The following CSMD1 variants were observed in gnomAD, a reference collection of about 807,000 sequenced individuals.
CSMD1 encodes CUB and Sushi multiple domains 1, also known as CUB and sushi domain-containing protein 1.
In CSMD1, 213 loss-of-function variants were observed where a neutral mutation model predicts 417.5. The observed-to-expected ratio is 0.51, with a 90% CI of 0.46 to 0.57. The LOEUF (loss-of-function observed/expected upper bound fraction) is 0.57. Among genes scored for constraint, CSMD1 ranks in the 20% least tolerant of loss-of-function variants. CSMD1 has a pLI of 0.00. For missense variants in CSMD1, 6,923 were observed against 4,529.7 expected, an observed-to-expected ratio of 1.53 and a Z score of -15.17; for synonymous variants, 2,862 against 1,736.8, an observed-to-expected ratio of 1.65 and a Z score of -16.11.
chr8:4,973,946 T>C (rs1253096324), intron 1 of CSMD1, among the ~76,000 whole-genome samples: 1 of 152,188 alleles, frequency 6.6e-6, no homozygotes, highest in Non-Finnish European at 1.5e-5. Flanking sequence ...AAAAGTAATT[T>C]TTACAAAGCT....
chr8:3,094,800 C>CAAAAAA (rs33991879), intron 47 of CSMD1, among the ~76,000 whole-genome samples: 11 of 105,384 alleles, frequency 1.0e-4, no homozygotes, highest in South Asian at 3.1e-4. Flanking sequence ...GCCCGTCTTA[C>CAAAAAA]AAAAAAAAAA....
chr8:4,092,676 T>G (rs571159387), intron 3 of CSMD1, among the ~76,000 whole-genome samples: 1 of 152,264 alleles, frequency 6.6e-6, no homozygotes, highest in East Asian at 1.9e-4. Context: ...AGTAGGTCCT[T>G]TTTCTTGAAT....
At chr8:4,392,547 G>C (rs1375178690) in intron 3 of CSMD1, among the ~76,000 whole-genome samples, 1 of 151,942 alleles carries the variant, frequency 6.6e-6, no homozygotes, top group Non-Finnish European at 1.5e-5. Context: ...TTGGTCACTA[G>C]GAAACTTAAA....
In CSMD1 at chr8:2,940,695, A is replaced by G. The variant is rs1415436189; in HGVS notation, c.10535+1777T>C. Reference sequence around the variant, plus strand: ...TAAGATATAATCAGAAGTGATATTTATGTATAAATATGCATATATAATTAT... The same window carrying G: ...TAAGATATAATCAGAAGTGATATTTGTGTATAAATATGCATATATAATTAT... On this transcript the variant is annotated intron_variant, in intron 69 of 69. Transcript: ENST00000635120. Among the ~76,000 whole-genome samples the G allele has an allele frequency of 2.6e-5, 4 of 152,220 alleles. No individual in the cohort carries two copies. In the East Asian group the frequency reaches 5.8e-4, roughly 22 times the overall value.
At chr8:4,591,781 AG>A in intron 2 of CSMD1, among the ~76,000 whole-genome samples, 1 of 152,230 alleles carries the variant, frequency 6.6e-6, no homozygotes, top group East Asian at 1.9e-4. Flanking sequence ...TAGCGTATTG[AG>A]GGGAATGTAC....
Position 4,923,117 on chromosome 8 carries a change from G to C in CSMD1, c.85+71215C>G, listed in dbSNP as rs190791871. On this transcript the variant is annotated intron_variant, in intron 1 of 69. Transcript: ENST00000635120. Reference sequence around the variant, plus strand: ...AAATAAAGGGATATCAATTATACTAGCATGGAATTAGGGGAAATATTTTTA... The same window carrying C: ...AAATAAAGGGATATCAATTATACTACCATGGAATTAGGGGAAATATTTTTA... Among the ~76,000 whole-genome samples the C allele has an allele frequency of 2.8e-3, 425 of 152,260 alleles. 1 individual carries two copies. Among genetic ancestry groups the C allele is most frequent in the African/African-American group, 9.3e-3 (388 of 41,542 alleles).
intron 1 of CSMD1, among the ~76,000 whole-genome samples, chr8:4,718,887 T>C (rs921707537): frequency 6.6e-6 from 1 of 152,084 alleles, no homozygotes; most frequent in South Asian, 2.1e-4. Flanking sequence ...AAAATACGTA[T>C]CTTTGAACTC....
chr8:3,637,803 G>T (rs891840468), intron 7 of CSMD1, among the ~76,000 whole-genome samples: 2 of 152,150 alleles, frequency 1.3e-5, no homozygotes, highest in African/African-American at 4.8e-5. Context: ...GACCCAGTGG[G>T]AAGTAATTGA....
chr8:2,963,410 C>T lies in CSMD1; in HGVS notation c.9281-15G>A. ...ACACAGCACGGCTATTTCCAAAGAA[C>T]AAACAAGATCAACATTCCGGAGCTC... On this transcript the variant is annotated splice_polypyrimidine_tract_variant and intron_variant, in intron 59 of 69. Coordinates refer to ENST00000635120, the MANE Select transcript of CSMD1 (RefSeq NM_033225.6). 6.2e-7 allele frequency: 1 copy of T among 1,609,668 alleles called. No individual in the cohort carries two copies. The highest frequency in any genetic ancestry group is 8.5e-7 in the Non-Finnish European group (1 of 1,176,222).
intron 1 of CSMD1, among the ~76,000 whole-genome samples, chr8:4,828,050 G>C (rs181081689): frequency 6.6e-6 from 1 of 152,008 alleles, no homozygotes; most frequent in African/African-American, 2.4e-5. Flanking sequence ...AAGAAGCGTA[G>C]TGGGATTTTT....
At chr8:4,516,107 G>A (rs950474769) in intron 2 of CSMD1, among the ~76,000 whole-genome samples, 3 of 152,128 alleles carry the variant, frequency 2.0e-5, no homozygotes, top group Non-Finnish European at 4.4e-5. Flanking sequence ...ACCGGGGGCT[G>A]AGTTCTTTAG....
intron 46 of CSMD1, among the ~76,000 whole-genome samples, chr8:3,105,347 G>A (rs902359671): frequency 2.0e-5 from 3 of 152,208 alleles, no homozygotes; most frequent in Non-Finnish European, 2.9e-5. Flanking sequence ...TTCCTTGAAA[G>A]AGCCACAATG....
At chr8:4,725,833 C>G (rs1295697578) in intron 1 of CSMD1, among the ~76,000 whole-genome samples, 1 of 152,108 alleles carries the variant, frequency 6.6e-6, no homozygotes, top group Non-Finnish European at 1.5e-5. Flanking sequence ...ATGTTCACGA[C>G]GTGGCTAAAG....
chr8:3,724,626 A>G, intron 6 of CSMD1, among the ~76,000 whole-genome samples: 2 of 151,992 alleles, frequency 1.3e-5, no homozygotes, highest in South Asian at 4.1e-4. Flanking sequence ...GGTCACTCCC[A>G]GTATGCAGGA....
At chr8:4,081,417 C>A (rs1040436703) in intron 3 of CSMD1, among the ~76,000 whole-genome samples, 2 of 152,114 alleles carry the variant, frequency 1.3e-5, no homozygotes, top group Non-Finnish European at 2.9e-5. Context: ...GCAGCTTCCT[C>A]CTTTTTGCCT....
At chr8:3,601,301 CCTT>C (rs1226809130) in intron 8 of CSMD1, among the ~76,000 whole-genome samples, 1 of 152,176 alleles carries the variant, frequency 6.6e-6, no homozygotes, top group Admixed American at 6.5e-5. Flanking sequence ...AATCAGCTGT[CCTT>C]ATTCTTCCAG....
chr8:4,246,529 T>G (rs1007100646), intron 3 of CSMD1, among the ~76,000 whole-genome samples: 2 of 152,156 alleles, frequency 1.3e-5, no homozygotes, highest in Non-Finnish European at 2.9e-5. Flanking sequence ...GAAAATTACT[T>G]TTTTTACTTA....
chr8:4,282,292 T>C (rs977725806), intron 3 of CSMD1, among the ~76,000 whole-genome samples: 2 of 152,262 alleles, frequency 1.3e-5, no homozygotes, highest in Non-Finnish European at 2.9e-5. Context: ...ATAGAACTGA[T>C]GAAGCTCAGG....
chr8:3,132,968 G>A (rs972287985), intron 41 of CSMD1, among the ~76,000 whole-genome samples: 3 of 152,192 alleles, frequency 2.0e-5, no homozygotes, highest in Non-Finnish European at 4.4e-5. Context: ...AAGGCTGAGG[G>A]TGCCGCTCCG....
Sources: allele counts gnomAD v4.1 joint callset (sites outside exome capture counted in the v4.1 genomes callset), GRCh38; gene constraint gnomAD v4.1.1; transcripts MANE v1.5; gene names NCBI Gene and HGNC (gene_info 2026-07-23, HGNC 2026-07-21).